The following MPP2 variants were observed in gnomAD, a reference collection of about 807,000 sequenced individuals.
MPP2 encodes MAGUK p55 scaffold protein 2.
A neutral mutation model predicts 58.5 loss-of-function variants in MPP2; 42 were observed. The observed-to-expected ratio is 0.72, with a 90% CI of 0.56 to 0.93. MPP2 has a LOEUF of 0.93. Among genes scored for constraint, MPP2 ranks in the 40% least tolerant of loss-of-function variants. MPP2 has a pLI of 0.00. For synonymous variants in MPP2, 300 were observed against 307.8 expected, an observed-to-expected ratio of 0.97 and a Z score of 0.26; for missense variants, 632 against 760.4, an observed-to-expected ratio of 0.83 and a Z score of 1.99.
At position 43,907,502 on chromosome 17, in the gene MPP2, G is replaced by A. The variant is rs1427240751; in HGVS notation, c.-62C>T. On this transcript the variant is annotated 5_prime_UTR_variant, in exon 1 of 13. Coordinates refer to ENST00000269095, the MANE Select transcript of MPP2 (RefSeq NM_005374.5). ...CGCCCCGGGAAGCCCCTAGCTCCGG[G>A]CGGCTCCAGCGCAGCCGGGCGCTCA... 143 of 985,410 alleles carry A rather than the reference G, an allele frequency of 1.5e-4. No homozygotes were observed. Among genetic ancestry groups the A allele is most frequent in the Non-Finnish European group, 1.7e-4 (141 of 829,978 alleles). The allele number at this position is 985,410 out of a possible 1,614,324, so 61.0% of individuals were successfully genotyped here. A position where few individuals can be genotyped will look rare whatever the true frequency, so the allele number is the denominator to read the frequency against.
At position 43,898,315 on chromosome 17, in the gene MPP2, G is replaced by A. The variant is rs1174913895; in HGVS notation, c.97C>T (p.Leu33=). The change falls in exon 3 of 13, where the codon CTG becomes TTG. Residue 33 remains leucine (L), a synonymous_variant. Transcript: ENST00000269095. ...PSATGAAELD[L]IFLRGIMESP... The stretch of plus-strand genomic sequence containing the variant: ...TCCATAATGCCTCGAAGGAAGATCA[G>A]GTCCAGCTCTGCAGCCCCCGTGGCA... 6.2e-7 allele frequency: 1 copy of A among 1,614,104 alleles called. No individual in the cohort carries two copies. The highest frequency in any genetic ancestry group is 8.5e-7 in the Non-Finnish European group (1 of 1,180,048).
At position 43,876,301 on chromosome 17, in the gene MPP2, C is replaced by T. The variant is rs376793047; in HGVS notation, c.*1506G>A. 10 of 152,794 alleles carry T rather than the reference C, an allele frequency of 6.5e-5. No individual in the cohort carries two copies. The East Asian group carries it at 1.9e-3, about 29-fold the overall frequency. The allele number at this position is 152,794 out of a possible 1,614,324, so 9.5% of individuals were successfully genotyped here. A position where few individuals can be genotyped will look rare whatever the true frequency, so the allele number is the denominator to read the frequency against. On this transcript the variant is annotated 3_prime_UTR_variant, in exon 13 of 13. Transcript: ENST00000269095. ...GAACTGGGAGGCACAAGGGTTTGGA[C>T]TCAGGGTGTCACAGGTTGTCCCCTC... is the stretch of plus-strand genomic sequence containing the variant.
At chr17:43,900,507 G>C (rs1362502914) in intron 2 of MPP2, 21 of 1,547,882 alleles carry the variant, frequency 1.4e-5, no homozygotes, top group Non-Finnish European at 1.8e-5. Context: ...GAAGACTCCA[G>C]GGATATACCC....
At chr17:43,878,615 G>T (rs1228859353) in intron 12 of MPP2, among the ~76,000 whole-genome samples, 1 of 152,202 alleles carries the variant, frequency 6.6e-6, no homozygotes. Context: ...GCTCCTTAAG[G>T]GGGTCATTGG....
intron 6 of MPP2, among the ~76,000 whole-genome samples, 183 bp downstream of exon 6, chr17:43,882,101 G>A (rs2047154929): frequency 6.6e-6 from 1 of 152,256 alleles, no homozygotes; most frequent in African/African-American, 2.4e-5. Context: ...GTGGGAGCAT[G>A]TGCAGGTGCA....
upstream of MPP2, chr17:43,907,829 C>G (rs980020025): frequency 1.0e-6 from 1 of 985,448 alleles, no homozygotes; most frequent in Non-Finnish European, 1.2e-6. Flanking sequence ...GGTAAAAGTG[C>G]CTAATGAGAC....
At chr17:43,907,193 G>A (rs1242684530) in intron 1 of MPP2, 1 of 985,524 alleles carries the variant, frequency 1.0e-6, no homozygotes, top group Non-Finnish European at 1.2e-6. Context: ...CAGATACCGG[G>A]GCCCCTCACA....
chr17:43,889,046 C>T (rs1365989048), intron 3 of MPP2, among the ~76,000 whole-genome samples: 1 of 151,938 alleles, frequency 6.6e-6, no homozygotes, highest in African/African-American at 2.4e-5. Flanking sequence ...GTGCTTCAAC[C>T]TCCCGAACAG....
intron 3 of MPP2, among the ~76,000 whole-genome samples, chr17:43,893,190 C>CT (rs1169698155): frequency 6.6e-6 from 1 of 152,148 alleles, no homozygotes; most frequent in Non-Finnish European, 1.5e-5. Flanking sequence ...TTCTGAGACT[C>CT]TGCCATCACA....
chr17:43,909,621 T>C (rs2048386326), upstream of MPP2: 1 of 1,468,878 alleles, frequency 6.8e-7, no homozygotes, highest in Non-Finnish European at 9.0e-7. Context: ...CTGGCCCACC[T>C]GGGGAGGTGG....
chr17:43,891,196 A>C (rs2047589850), intron 3 of MPP2, among the ~76,000 whole-genome samples: 1 of 152,152 alleles, frequency 6.6e-6, no homozygotes, highest in South Asian at 2.1e-4. Flanking sequence ...TCTAGTCTGA[A>C]GCTAAGATTA....
intron 2 of MPP2, chr17:43,901,468 G>C (rs924143912): frequency 2.0e-6 from 2 of 985,352 alleles, no homozygotes; most frequent in African/African-American, 3.5e-5. Context: ...GCTCCGCTCC[G>C]GTGACCCCAT....
At chr17:43,906,782 G>T (rs775783482) in intron 1 of MPP2, among the ~76,000 whole-genome samples, 12 of 152,154 alleles carry the variant, frequency 7.9e-5, no homozygotes, top group South Asian at 2.1e-4. Flanking sequence ...GGCTCTCTAC[G>T]TGCGCGCCCG....
chr17:43,898,277 T>C lies in MPP2; in HGVS notation c.135A>G (p.Val45=), dbSNP rs1255410412. Residue 45 remains valine (V), a synonymous_variant, in exon 3 of 13, where the codon GTA becomes GTG. Coordinates refer to ENST00000269095, the MANE Select transcript of MPP2 (RefSeq NM_005374.5). ...AGCACTGTACCTTGGCCAGGGATCT[T>C]ACTATGGGACTTTCCATAATGCCTC... ...FLRGIMESPI[V]RSLAKAHERL... The C allele has an allele frequency of 6.2e-7, 1 of 1,613,980 alleles. No individual in the cohort carries two copies. The highest frequency in any genetic ancestry group is 8.5e-7 in the Non-Finnish European group (1 of 1,179,928).
At position 43,881,137 on chromosome 17, in the gene MPP2, G is replaced by C; in HGVS notation, c.941C>G (p.Ser314Ter). 1 of 1,613,996 alleles carries C rather than the reference G, an allele frequency of 6.2e-7. No homozygotes were observed. The highest frequency in any genetic ancestry group is 1.1e-5 in the South Asian group (1 of 91,066). Reference protein sequence around the residue: ...PNSGTLCGSLSGKKKKRMMYL... With the variant: ...PNSGTLCGSL ...CATCATTCGCTTCTTTTTCTTTCCT[G>C]AAAGGCTGCCGCATAGGGTCCCTGG... Residue 314 changes from serine to a stop codon, truncating the protein, a stop_gained, in exon 9 of 13, where the codon TCA becomes TGA. Coordinates refer to ENST00000269095, the MANE Select transcript of MPP2 (RefSeq NM_005374.5). LOFTEE classifies it high-confidence loss of function.
At chr17:43,900,775 G>A (rs1283269676) in intron 2 of MPP2, among the ~76,000 whole-genome samples, 3 of 152,208 alleles carry the variant, frequency 2.0e-5, no homozygotes, top group Admixed American at 1.3e-4. Context: ...TGGGAGAAGA[G>A]TGGTGGGAGG....
chr17:43,899,199 A>G (rs2047981628), intron 2 of MPP2, among the ~76,000 whole-genome samples: 1 of 152,046 alleles, frequency 6.6e-6, no homozygotes, highest in African/African-American at 2.4e-5. Flanking sequence ...GTAAGCTGAG[A>G]TCCTGCCATT....
chr17:43,907,490 C>CCCTA lies in MPP2; in HGVS notation c.-54_-51dup. On this transcript the variant is annotated 5_prime_UTR_variant, in exon 1 of 13. Transcript: ENST00000269095. Reference sequence around the variant, plus strand: ...GACGCCTACCTGCGCCCCGGGAAGCCCCTAGCTCCGGGCGGCTCCAGCGCA... The same window carrying CCCTA: ...GACGCCTACCTGCGCCCCGGGAAGCCCCTACCTAGCTCCGGGCGGCTCCAGCGCA... 3 of 985,540 alleles carry CCCTA rather than the reference C, an allele frequency of 3.0e-6. No homozygotes were observed. Among genetic ancestry groups the CCCTA allele is most frequent in the Non-Finnish European group, 2.4e-6 (2 of 829,976 alleles). The allele number at this position is 985,540 out of a possible 1,614,324, so 61.0% of individuals were successfully genotyped here.
Position 43,879,668 on chromosome 17 carries a change from G to C in MPP2, c.1353+114C>G. The C allele has an allele frequency of 7.9e-7, 1 of 1,268,552 alleles. No homozygotes were observed. Among genetic ancestry groups the C allele is most frequent in the Non-Finnish European group, 1.1e-6 (1 of 911,656 alleles). The allele number at this position is 1,268,552 out of a possible 1,614,324, so 78.6% of individuals were successfully genotyped here. ...GGCTGGGTTTCTAGCAGTAGTTGAGGGCAAAGGGGGTACATGGGCGTGTTC... is the reference window on the plus strand; with the variant it reads ...GGCTGGGTTTCTAGCAGTAGTTGAGCGCAAAGGGGGTACATGGGCGTGTTC... On this transcript the variant is annotated intron_variant, in intron 11 of 12. Coordinates refer to ENST00000269095, the MANE Select transcript of MPP2 (RefSeq NM_005374.5). The surrounding 1 kb of genome is among the most constrained non-coding windows in gnomAD (Gnocchi z 4.1).
Sources: gnomAD v4.1 joint callset for allele counts (sites outside exome capture counted in the v4.1 genomes callset) on GRCh38, gnomAD v4.1.1 for gene constraint, Gnocchi (gnomAD v3.1) non-coding constraint, MANE v1.5 for transcripts, NCBI Gene and HGNC (gene_info 2026-07-23, HGNC 2026-07-21) for gene names.